Variants in DSCAML1 observed in about 807,000 individuals in gnomAD.
The protein encoded by DSCAML1 is cell adhesion molecule DSCAML1.
DSCAML1 carries 38 observed loss-of-function variants against 200.5 expected under a neutral mutation model. The ratio of observed to expected loss-of-function variants is 0.19; its 90% confidence interval spans 0.15 to 0.25. DSCAML1 has a LOEUF of 0.25. Ranked by LOEUF, DSCAML1 falls within the 10% of genes least tolerant of loss-of-function variation. The pLI is 1.00. For missense variants in DSCAML1, 2,223 were observed against 2,858.8 expected (o/e 0.78, Z 5.07); for synonymous variants, 1,215 against 1,165.0 (o/e 1.04, Z -0.87).
chr11:117,537,397 T>G (rs1023953394), intron 3 of DSCAML1, among the ~76,000 whole-genome samples: 2 of 152,076 alleles, frequency 1.3e-5, no homozygotes, highest in Non-Finnish European at 2.9e-5. Flanking sequence ...GGGAAGGCTG[T>G]GGAAGGTCTT....
At chr11:117,610,947 G>A (rs865829644) in intron 3 of DSCAML1, among the ~76,000 whole-genome samples, 1 of 151,584 alleles carries the variant, frequency 6.6e-6, no homozygotes, top group Admixed American at 6.6e-5. Context: ...GAGTCAAAGG[G>A]TATGTACATT....
chr11:117,814,098 T>G (rs866924125), intron 1 of DSCAML1, among the ~76,000 whole-genome samples: 4 of 152,102 alleles, frequency 2.6e-5, no homozygotes, highest in South Asian at 2.1e-4. Flanking sequence ...TTCTCCTGGC[T>G]CAGAAGCTCC....
At chr11:117,635,018 G>A (rs1335988551) in intron 3 of DSCAML1, among the ~76,000 whole-genome samples, 1 of 152,202 alleles carries the variant, frequency 6.6e-6, no homozygotes, top group Non-Finnish European at 1.5e-5. Context: ...GCACCATCAT[G>A]TCTGCTGCCC....
At chr11:117,613,198 T>G (rs769210507) in intron 3 of DSCAML1, among the ~76,000 whole-genome samples, 1 of 152,034 alleles carries the variant, frequency 6.6e-6, no homozygotes, top group Non-Finnish European at 1.5e-5. Flanking sequence ...CCGAGCATTC[T>G]GTGACTCCAA....
At position 117,672,790 on chromosome 11, in the gene DSCAML1, G is replaced by A. The variant is rs144788553; in HGVS notation, c.511+104001C>T. ...ACTTGTTAAACTGATTCAAAGACTC[G>A]GGGTATCATACAACACACTTAACAA... On this transcript the variant is annotated intron_variant, in intron 3 of 32. Transcript: ENST00000651296. 5.5e-3 allele frequency among the ~76,000 whole-genome samples: 830 copies of A among 152,230 alleles called. 9 individuals carry two copies. The highest frequency in any genetic ancestry group is 5.0e-3 in the Non-Finnish European group (342 of 68,026).
At chr11:117,666,636 G>C (rs891499448) in intron 3 of DSCAML1, among the ~76,000 whole-genome samples, 1 of 152,300 alleles carries the variant, frequency 6.6e-6, no homozygotes, top group East Asian at 1.9e-4. Flanking sequence ...TCAGCCTCAG[G>C]TGGTGGGGAG....
intron 2 of DSCAML1, among the ~76,000 whole-genome samples, chr11:117,778,770 T>C (rs533008245): frequency 6.6e-6 from 1 of 152,274 alleles, no homozygotes; most frequent in African/African-American, 2.4e-5. Flanking sequence ...AGCCCAATCC[T>C]CCACGCTGTG....
chr11:117,800,061 CAAA>C (rs1591523106), upstream of DSCAML1, among the ~76,000 whole-genome samples: 1 of 152,326 alleles, frequency 6.6e-6, no homozygotes, highest in East Asian at 1.9e-4. Flanking sequence ...AGATGGCTAA[CAAA>C]AGAAGGACCT....
intron 3 of DSCAML1, among the ~76,000 whole-genome samples, chr11:117,708,510 C>T (rs1382414990): frequency 1.3e-5 from 2 of 152,220 alleles, no homozygotes; most frequent in East Asian, 1.9e-4. Flanking sequence ...AACAATAATA[C>T]CCATCTCAAA....
chr11:117,500,116 G>T (rs58949729), intron 11 of DSCAML1, among the ~76,000 whole-genome samples: 15,099 of 152,202 alleles, frequency 0.099, 859 homozygotes, highest in South Asian at 0.18. Context: ...CTGCATCCCT[G>T]GAAGGGCGTG....
chr11:117,531,615 G>A (rs2050077685), intron 4 of DSCAML1, among the ~76,000 whole-genome samples: 1 of 152,154 alleles, frequency 6.6e-6, no homozygotes, highest in African/African-American at 2.4e-5. Flanking sequence ...CGGGCGCAGT[G>A]GCACATACCT....
intron 3 of DSCAML1, among the ~76,000 whole-genome samples, chr11:117,562,596 G>A (rs1304251828): frequency 6.6e-6 from 1 of 152,216 alleles, no homozygotes. Flanking sequence ...AGAAACTGGT[G>A]GGATCTAACA....
chr11:117,559,813 G>T (rs540031669), intron 3 of DSCAML1, among the ~76,000 whole-genome samples: 1 of 152,132 alleles, frequency 6.6e-6, no homozygotes, highest in South Asian at 2.1e-4. Flanking sequence ...CCCAGGGCAC[G>T]GAAGCCACAG....
At chr11:117,559,104 G>A (rs2050611365) in intron 3 of DSCAML1, among the ~76,000 whole-genome samples, 1 of 142,070 alleles carries the variant, frequency 7.0e-6, no homozygotes, top group South Asian at 2.3e-4. Context: ...CATATATGGG[G>A]AAAAAAAGAA....
chr11:117,465,855 G>A (rs976794482), intron 16 of DSCAML1, among the ~76,000 whole-genome samples: 3 of 152,190 alleles, frequency 2.0e-5, no homozygotes, highest in Non-Finnish European at 4.4e-5. Context: ...ATAAGATGGA[G>A]AGGGAGGTGA....
chr11:117,811,018 C>T (rs2055756386), intron 1 of DSCAML1, among the ~76,000 whole-genome samples: 1 of 152,212 alleles, frequency 6.6e-6, no homozygotes, highest in South Asian at 2.1e-4. Context: ...CTCCTCCACC[C>T]TGTAATCTTT....
intron 32 of DSCAML1, 122 bp from the exon 33 acceptor site, chr11:117,428,925 C>T: frequency 1.2e-6 from 1 of 847,442 alleles, no homozygotes; most frequent in East Asian, 2.7e-5. Flanking sequence ...GGCCCCTCCA[C>T]TGGGGGGCAA....
At chr11:117,525,376 A>C (rs1474316969) in intron 4 of DSCAML1, among the ~76,000 whole-genome samples, 1 of 152,118 alleles carries the variant, frequency 6.6e-6, no homozygotes, top group Non-Finnish European at 1.5e-5. Context: ...AGATGGAAGA[A>C]GGGAAGAAGG....
At chr11:117,614,896 C>A (rs970259437) in intron 3 of DSCAML1, among the ~76,000 whole-genome samples, 7 of 152,204 alleles carry the variant, frequency 4.6e-5, no homozygotes, top group African/African-American at 1.7e-4. Context: ...CAACACTGCC[C>A]CTGCAGGCAG....
Sources: gnomAD v4.1 joint callset for allele counts (sites outside exome capture counted in the v4.1 genomes callset) on GRCh38, gnomAD v4.1.1 for gene constraint, MANE v1.5 for transcripts, NCBI Gene and HGNC (gene_info 2026-07-23, HGNC 2026-07-21) for gene names.